The following NME7 variants were observed in gnomAD, a reference collection of about 807,000 sequenced individuals.
NME7 encodes nucleoside diphosphate kinase 7.
Under a neutral mutation model 49.1 loss-of-function variants are expected in NME7, and 41 were observed. The observed-to-expected ratio is 0.83, with a 90% CI of 0.65 to 1.08. NME7 has a LOEUF of 1.08. Ranked by LOEUF, NME7 falls within the 50% of genes least tolerant of loss-of-function variation. The pLI is 0.00. For synonymous variants in NME7, 139 were observed against 150.6 expected, an observed-to-expected ratio of 0.92 and a Z score of 0.56; for missense variants, 423 against 463.4, an observed-to-expected ratio of 0.91 and a Z score of 0.80.
At chr1:169,210,487 G>A (rs1309583006) in intron 10 of NME7, among the ~76,000 whole-genome samples, 3 of 152,210 alleles carry the variant, frequency 2.0e-5, no homozygotes, top group Non-Finnish European at 4.4e-5. Context: ...GTGGGGGTTG[G>A]AACATTGGTA....
At chr1:169,208,364 T>C (rs184874410) in intron 10 of NME7, among the ~76,000 whole-genome samples, 20 of 152,228 alleles carry the variant, frequency 1.3e-4, no homozygotes, top group Admixed American at 6.6e-4. Context: ...TGGTTAGTGG[T>C]TGGTGGGTTG....
intron 1 of NME7, among the ~76,000 whole-genome samples, chr1:169,342,437 A>G (rs972881820): frequency 1.0e-4 from 15 of 149,758 alleles, no homozygotes; most frequent in African/African-American, 3.7e-4. Context: ...GTACCTTTAT[A>G]GCAGTGTGAA....
intron 9 of NME7, among the ~76,000 whole-genome samples, chr1:169,233,329 T>G (rs1307074583): frequency 6.6e-6 from 1 of 152,016 alleles, no homozygotes; most frequent in Non-Finnish European, 1.5e-5. Flanking sequence ...TTTTTCACCC[T>G]CTTGAATAGG....
intron 4 of NME7, 48 bp from the exon 5 acceptor site, chr1:169,303,243 A>C: frequency 1.0e-6 from 1 of 988,574 alleles, no homozygotes; most frequent in Non-Finnish European, 1.5e-6. Flanking sequence ...AAAATTAAAC[A>C]CTTATTATTT....
At chr1:169,275,357 T>C (rs552518396) in intron 7 of NME7, among the ~76,000 whole-genome samples, 1 of 128,334 alleles carries the variant, frequency 7.8e-6, no homozygotes, top group South Asian at 2.5e-4. Flanking sequence ...CGCGTGCCTG[T>C]AGTCCCAGCT....
intron 1 of NME7, among the ~76,000 whole-genome samples, chr1:169,354,683 T>G (rs1653315510): frequency 6.9e-6 from 1 of 144,340 alleles, no homozygotes; most frequent in African/African-American, 2.5e-5. Flanking sequence ...TTTATAAATA[T>G]TATATATAGT....
chr1:169,263,084 A>G (rs1649213169), intron 7 of NME7, among the ~76,000 whole-genome samples: 1 of 133,980 alleles, frequency 7.5e-6, no homozygotes, highest in Admixed American at 7.3e-5. Flanking sequence ...CAAATAAAAA[A>G]AAAGCAAAAC....
At chr1:169,356,003 G>T (rs1343757886) in intron 1 of NME7, among the ~76,000 whole-genome samples, 2 of 152,126 alleles carry the variant, frequency 1.3e-5, no homozygotes, top group East Asian at 3.9e-4. Flanking sequence ...TTTTTCTCTA[G>T]AGGTGAACAG....
At chr1:169,232,912 CTTTTTTTTTTTTTTT>C (rs10545228) in intron 9 of NME7, among the ~76,000 whole-genome samples, 1 of 74,528 alleles carries the variant, frequency 1.3e-5, no homozygotes, top group Non-Finnish European at 2.5e-5. Context: ...GTTTTCTTTT[CTTTTTTTTTTTTTTT>C]TTTTTTTTTT....
Position 169,273,531 on chromosome 1 carries a change from T to C in NME7, c.754+13772A>G, listed in dbSNP as rs1447571889. 3.0e-5 allele frequency among the ~76,000 whole-genome samples: 4 copies of C among 131,594 alleles called. 1 individual carries two copies. The highest frequency in any genetic ancestry group is 1.0e-4 in the African/African-American group (4 of 38,930). The allele number at this position is 131,594 out of a possible 152,430, so 86.3% of individuals were successfully genotyped here. A position where few individuals can be genotyped will look rare whatever the true frequency, so the allele number is the denominator to read the frequency against. ...AATGTGCAGGTTAGTTACATATGTA[T>C]ACATGTGCCATGCTGGTGTGCTGCA... On this transcript the variant is annotated intron_variant, in intron 7 of 11. Coordinates refer to ENST00000367811, the MANE Select transcript of NME7 (RefSeq NM_013330.5).
intron 11 of NME7, among the ~76,000 whole-genome samples, chr1:169,162,286 G>A (rs1030317674): frequency 6.6e-6 from 1 of 151,944 alleles, no homozygotes; most frequent in African/African-American, 2.4e-5. Context: ...CTGTGCAGGG[G>A]GCAGGAAGAA....
intron 1 of NME7, among the ~76,000 whole-genome samples, chr1:169,359,658 T>G (rs1257767631): frequency 6.6e-6 from 1 of 152,052 alleles, no homozygotes; most frequent in East Asian, 1.9e-4. Context: ...GTTAAATATC[T>G]TTATAAACAT....
chr1:169,279,006 A>G (rs34016668), intron 7 of NME7, among the ~76,000 whole-genome samples: 47,743 of 151,858 alleles, frequency 0.31, 8,350 homozygotes, highest in East Asian at 0.67. Flanking sequence ...GTGGATTTTC[A>G]TGAACTGTGA....
chr1:169,161,408 C>T (rs1435838318), intron 11 of NME7, among the ~76,000 whole-genome samples: 1 of 152,216 alleles, frequency 6.6e-6, no homozygotes, highest in Non-Finnish European at 1.5e-5. Context: ...CTGCGTTAAT[C>T]ACGGCCAAGA....
At chr1:169,218,470 C>T (rs958148301) in intron 10 of NME7, among the ~76,000 whole-genome samples, 3 of 152,004 alleles carry the variant, frequency 2.0e-5, no homozygotes, top group African/African-American at 7.3e-5. Flanking sequence ...CCTATAGTCC[C>T]AGCTACTCGG....
chr1:169,335,137 G>C (rs1652409500), intron 1 of NME7, among the ~76,000 whole-genome samples: 1 of 152,156 alleles, frequency 6.6e-6, no homozygotes, highest in Admixed American at 6.5e-5. Context: ...AGCCATTGTG[G>C]AAGACAGTAT....
intron 9 of NME7, among the ~76,000 whole-genome samples, chr1:169,231,729 T>C (rs963358517): frequency 6.6e-6 from 1 of 151,428 alleles, no homozygotes. Flanking sequence ...ATATGGAGCA[T>C]CAAGGAGAGT....
In NME7 at chr1:169,260,323, TA is replaced by T. The variant is rs1649120887; in HGVS notation, c.755-22637del. ...ATTATTTGGAAACCCAAGCTTTTCA[TA>T]GACTTTTCTGAAAGATACTACCTTT... On this transcript the variant is annotated intron_variant, in intron 7 of 11. Transcript: ENST00000367811. Among the ~76,000 whole-genome samples, 2 of 133,578 alleles carry T rather than the reference TA, an allele frequency of 1.5e-5. 1 individual carries two copies. Among genetic ancestry groups the T allele is most frequent in the Non-Finnish European group, 3.5e-5 (2 of 56,774 alleles). 87.6% of individuals were successfully genotyped at this position (133,578 alleles called of 152,430 possible).
At chr1:169,185,055 G>A (rs1378267559) in intron 10 of NME7, among the ~76,000 whole-genome samples, 1 of 152,144 alleles carries the variant, frequency 6.6e-6, no homozygotes, top group African/African-American at 2.4e-5. Context: ...GGGTACCCAT[G>A]CAACGTTTCA....
Sources: allele counts gnomAD v4.1 joint callset (sites outside exome capture counted in the v4.1 genomes callset), GRCh38; gene constraint gnomAD v4.1.1; transcripts MANE v1.5; gene names NCBI Gene and HGNC (gene_info 2026-07-23, HGNC 2026-07-21).